The following ZNF92 variants were observed in gnomAD, a reference collection of about 807,000 sequenced individuals.
The protein encoded by ZNF92 is epididymis luminal protein 203.
Under a neutral mutation model 12.4 loss-of-function variants are expected in ZNF92, and 11 were observed. That is an observed-to-expected ratio of 0.89 (90% CI 0.56 to 1.47). The LOEUF (loss-of-function observed/expected upper bound fraction) is 1.47, where lower values mean the gene tolerates loss of function less well. Among genes scored for constraint, ZNF92 ranks in the 40% most tolerant of loss-of-function variants. The pLI is 0.00. For synonymous variants in ZNF92, 206 were observed against 228.6 expected (o/e 0.90, Z 0.89); for missense variants, 622 against 681.0 (o/e 0.91, Z 0.96).
At chr7:65,389,157 C>G (rs572130187) in intron 3 of ZNF92, among the ~76,000 whole-genome samples, 2 of 152,080 alleles carry the variant, frequency 1.3e-5, no homozygotes, top group African/African-American at 4.8e-5. Flanking sequence ...CGGGGTGTCT[C>G]CATGTTGGTC....
At chr7:65,386,911 C>T (rs1793581722) in intron 1 of ZNF92, among the ~76,000 whole-genome samples, 1 of 149,576 alleles carries the variant, frequency 6.7e-6, no homozygotes, top group Admixed American at 6.7e-5. Flanking sequence ...ATTTTTCTCT[C>T]GATTATTAAG....
intron 3 of ZNF92, among the ~76,000 whole-genome samples, chr7:65,396,436 A>G (rs1282081979): frequency 6.6e-6 from 1 of 152,016 alleles, no homozygotes; most frequent in South Asian, 2.1e-4. Context: ...TTAAAGTTAA[A>G]ACATTTTCTA....
intron 1 of ZNF92, among the ~76,000 whole-genome samples, chr7:65,379,007 A>G (rs1381483643): frequency 1.3e-5 from 2 of 151,756 alleles, no homozygotes; most frequent in African/African-American, 2.4e-5. Context: ...TGTCCTATAC[A>G]TTTTTTCCAT....
At position 65,399,989 on chromosome 7, in the gene ZNF92, T is replaced by C. The variant is rs944828258; in HGVS notation, c.*114T>C. On this transcript the variant is annotated 3_prime_UTR_variant, in exon 4 of 4. Transcript: ENST00000328747. Reference sequence around the variant, plus strand: ...ACTTTAAATGGTTGTCACGCTTGATTGTAGGTAAGATAATTTATATTGGAG... The same window carrying C: ...ACTTTAAATGGTTGTCACGCTTGATCGTAGGTAAGATAATTTATATTGGAG... 1.0e-6 allele frequency: 1 copy of C among 958,774 alleles called. No individual in the cohort carries two copies. Among genetic ancestry groups the C allele is most frequent in the Non-Finnish European group, 1.5e-6 (1 of 671,828 alleles). 59.4% of individuals were successfully genotyped at this position (958,774 alleles called of 1,614,324 possible).
Position 65,396,055 on chromosome 7 carries a change from G to C in ZNF92, c.227-2286G>C, listed in dbSNP as rs571048531. Reference sequence around the variant, plus strand: ...TCAGCCTGTCAAGTAGCTGGTTACAGGCATGTGCCATCATACCCAGCTAGT... The same window carrying C: ...TCAGCCTGTCAAGTAGCTGGTTACACGCATGTGCCATCATACCCAGCTAGT... On this transcript the variant is annotated intron_variant, in intron 3 of 3. Coordinates refer to ENST00000328747, the MANE Select transcript of ZNF92 (RefSeq NM_152626.4). Among the ~76,000 whole-genome samples the C allele has an allele frequency of 5.9e-5, 9 of 151,906 alleles. No homozygotes were observed. In the East Asian group the frequency reaches 1.7e-3, roughly 29 times the overall value.
chr7:65,387,976 G>T lies in ZNF92; in HGVS notation c.78G>T (p.Arg26=). The T allele has an allele frequency of 1.2e-6, 2 of 1,608,822 alleles. No individual in the cohort carries two copies. Among genetic ancestry groups the T allele is most frequent in the Non-Finnish European group, 1.7e-6 (2 of 1,177,896 alleles). The change falls in exon 2 of 4, where the codon CGG becomes CGT. Residue 26 remains arginine, a synonymous_variant. Transcript: ENST00000328747. ...EEWQCLDTAQ[R]NLYRDVMLEN... ...GGCAATGCCTGGACACTGCGCAGCGGAATTTATATAGAGATGTGATGTTAG... is the reference window on the plus strand; with the variant it reads ...GGCAATGCCTGGACACTGCGCAGCGTAATTTATATAGAGATGTGATGTTAG...
In ZNF92 at chr7:65,399,037, T is replaced by A. The variant is rs753209877; in HGVS notation, c.923T>A (p.Met308Lys). Reference sequence around the variant, plus strand: ...CTTAATAAACATAAGAGAATTCATATGGAAGATAAACCCTACAAATGTGAA... The same window carrying A: ...CTTAATAAACATAAGAGAATTCATAAGGAAGATAAACCCTACAAATGTGAA... ...SILNKHKRIHMEDKPYKCEEC... is the reference protein window; with the variant it reads ...SILNKHKRIHKEDKPYKCEEC... Residue 308 changes from methionine (M) to lysine (K), a missense_variant, in exon 4 of 4, where the codon ATG (methionine) becomes AAG (lysine). Met to Lys is a moderately conservative substitution (Grantham distance 95, BLOSUM62 -1). Transcript: ENST00000328747. 1 of 1,610,822 alleles carries A rather than the reference T, an allele frequency of 6.2e-7. No individual in the cohort carries two copies.
chr7:65,389,160 T>C (rs1235218626), intron 3 of ZNF92, among the ~76,000 whole-genome samples: 3 of 152,014 alleles, frequency 2.0e-5, no homozygotes, highest in Admixed American at 6.6e-5. Flanking sequence ...GGTGTCTCCA[T>C]GTTGGTCAGG....
At position 65,400,698 on chromosome 7, in the gene ZNF92, CTT is replaced by C. The variant is rs1206787037; in HGVS notation, c.*828_*829del. On this transcript the variant is annotated 3_prime_UTR_variant, in exon 4 of 4. Transcript: ENST00000328747. ...GATTTATAATTACATTCAAAGTATA[CTT>C]TTTTCTTGAAAAAAATTACAGATTT... 6.6e-6 allele frequency: 1 copy of C among 151,716 alleles called. No individual in the cohort carries two copies. The highest frequency in any genetic ancestry group is 1.5e-5 in the Non-Finnish European group (1 of 67,834). 9.4% of individuals were successfully genotyped at this position (151,716 alleles called of 1,614,324 possible).
rs544727251 is a variant in ZNF92 at position 65,398,897 on chromosome 7, A to C, written c.783A>C (p.Glu261Asp). ...HTGEKPYKCE[E>D]CGKAFNRSST... ...GAGAGAAACCCTACAAATGTGAAGA[A>C]TGTGGCAAAGCTTTTAACCGGTCCT... is the stretch of plus-strand genomic sequence containing the variant. The change falls in exon 4 of 4, where the codon GAA becomes GAC. Residue 261 changes from glutamate (E) to aspartate (D), a missense_variant. Transcript: ENST00000328747. 18 of 1,613,346 alleles carry C rather than the reference A, an allele frequency of 1.1e-5. No individual in the cohort carries two copies. In the African/African-American group the frequency reaches 1.6e-4, roughly 14 times the overall value.
chr7:65,398,258 G>T lies in ZNF92; in HGVS notation c.227-83G>T, dbSNP rs1216484280. On this transcript the variant is annotated intron_variant, in intron 3 of 3. Transcript: ENST00000328747. The stretch of plus-strand genomic sequence containing the variant: ...TGCCATCTTGCTTATGTTGTAGTTT[G>T]TACAATTTTATAGGTTAAATTTGTA... 3 of 1,185,556 alleles carry T rather than the reference G, an allele frequency of 2.5e-6. No homozygotes were observed. The East Asian group carries it at 7.7e-5, about 30-fold the overall frequency. 73.4% of individuals were successfully genotyped at this position (1,185,556 alleles called of 1,614,324 possible).
chr7:65,399,183 A>G lies in ZNF92; in HGVS notation c.1069A>G (p.Thr357Ala). The G allele has an allele frequency of 6.2e-7, 1 of 1,613,474 alleles. No individual in the cohort carries two copies. The highest frequency in any genetic ancestry group is 1.3e-5 in the African/African-American group (1 of 75,000). ...AGCCTTTAACCAGTTCTCAAACCTT[A>G]CTAAACATAAGATAATTCATACTGG... ...GKAFNQFSNLTKHKIIHTGEK... is the reference protein window; with the variant it reads ...GKAFNQFSNLAKHKIIHTGEK... The change falls in exon 4 of 4, where the codon ACT (threonine) becomes GCT (alanine). Residue 357 changes from threonine to alanine, a missense_variant. Thr to Ala is a moderately conservative substitution (Grantham distance 58). Transcript: ENST00000328747.
rs757321547 is a variant in ZNF92 at position 65,399,846 on chromosome 7, A to G, written c.1732A>G (p.Asn578Asp). 1.3e-6 allele frequency: 2 copies of G among 1,589,624 alleles called. No homozygotes were observed. Among genetic ancestry groups the G allele is most frequent in the South Asian group, 1.1e-5 (1 of 87,288 alleles). The change falls in exon 4 of 4, where the codon AAT (asparagine) becomes GAT (aspartate). Residue 578 changes from asparagine to aspartate, a missense_variant. Coordinates refer to ENST00000328747, the MANE Select transcript of ZNF92 (RefSeq NM_152626.4). ...ECGRAFNKSS[N>D]YTKEKLQT ...TGGCAGAGCCTTTAACAAATCCTCAAATTATACTAAAGAGAAACTACAAAC... is the reference window on the plus strand; with the variant it reads ...TGGCAGAGCCTTTAACAAATCCTCAGATTATACTAAAGAGAAACTACAAAC...
At chr7:65,391,027 G>T (rs1195718578) in intron 3 of ZNF92, among the ~76,000 whole-genome samples, 1 of 151,830 alleles carries the variant, frequency 6.6e-6, no homozygotes, top group Admixed American at 6.6e-5. Flanking sequence ...TTAGTTTGCC[G>T]CCTGAATGAG....
In ZNF92 at chr7:65,373,861, C is replaced by A. The variant is rs552478258; in HGVS notation, c.-137C>A. On this transcript the variant is annotated 5_prime_UTR_variant, in exon 1 of 4. Coordinates refer to ENST00000328747, the MANE Select transcript of ZNF92 (RefSeq NM_152626.4). ...GGGATTTGGCGGGGCCTTTGTCTCT[C>A]GCTGCAGCCGGCGCTCCACGTCTAG... The A allele has an allele frequency of 2.8e-5, 35 of 1,233,052 alleles. No homozygotes were observed. Among genetic ancestry groups the A allele is most frequent in the Non-Finnish European group, 4.0e-5 (34 of 841,368 alleles). The allele number at this position is 1,233,052 out of a possible 1,614,324, so 76.4% of individuals were successfully genotyped here.
intron 1 of ZNF92, among the ~76,000 whole-genome samples, chr7:65,381,378 G>C (rs534607554): frequency 2.7e-5 from 4 of 149,088 alleles, no homozygotes; most frequent in Non-Finnish European, 5.9e-5. Flanking sequence ...TTTTTTTCTT[G>C]TAAACTTGCT....
At chr7:65,390,769 CTG>C (rs1470271276) in intron 3 of ZNF92, among the ~76,000 whole-genome samples, 2 of 151,990 alleles carry the variant, frequency 1.3e-5, no homozygotes, top group Non-Finnish European at 2.9e-5. Context: ...TGGCCATAAA[CTG>C]TGGCTCAGAG....
intron 1 of ZNF92, among the ~76,000 whole-genome samples, chr7:65,382,877 G>A (rs1432228356): frequency 6.6e-6 from 1 of 152,072 alleles, no homozygotes; most frequent in Admixed American, 6.6e-5. Context: ...AAGGCTCAAA[G>A]AGACATTAAA....
chr7:65,394,440 T>C (rs938041941), intron 3 of ZNF92, among the ~76,000 whole-genome samples: 2 of 152,130 alleles, frequency 1.3e-5, no homozygotes, highest in Non-Finnish European at 2.9e-5. Context: ...ACATTGTTTT[T>C]GTTATTGTAG....
Sources: allele counts gnomAD v4.1 joint callset (sites outside exome capture counted in the v4.1 genomes callset), GRCh38; gene constraint gnomAD v4.1.1; transcripts MANE v1.5; gene names NCBI Gene and HGNC (gene_info 2026-07-23, HGNC 2026-07-21).